The following SETX variants were observed in gnomAD, a reference collection of about 807,000 sequenced individuals.
SETX encodes the protein senataxin, also known as helicase senataxin.
In SETX, 90 loss-of-function variants were observed where a neutral mutation model predicts 227.2. The observed-to-expected ratio is 0.40, with a 90% CI of 0.33 to 0.47. SETX has a LOEUF of 0.47. SETX is among the 20% of genes least tolerant of loss of function. The probability of loss-of-function intolerance (pLI) is 0.91; values close to 1 mark genes in which losing one functional copy is unlikely to be tolerated. For synonymous variants in SETX, 1,210 were observed against 1,113.2 expected, an observed-to-expected ratio of 1.09 and a Z score of -1.73; for missense variants, 3,052 against 3,181.5, an observed-to-expected ratio of 0.96 and a Z score of 0.98.
chr9:132,285,513 G>T (rs980687814), intron 18 of SETX, among the ~76,000 whole-genome samples: 1 of 151,892 alleles, frequency 6.6e-6, no homozygotes, highest in African/African-American at 2.4e-5. Flanking sequence ...TTGGGAGGCC[G>T]AGACGGGGGA....
chr9:132,273,970 C>CT (rs61487697), intron 23 of SETX, among the ~76,000 whole-genome samples: 64,204 of 145,952 alleles, frequency 0.44, 16,633 homozygotes, highest in African/African-American at 0.73. Flanking sequence ...CCTTTGTATT[C>CT]TTTTTTTTTT....
At chr9:132,305,125 C>G (rs1056403341) in intron 11 of SETX, among the ~76,000 whole-genome samples, 1 of 151,876 alleles carries the variant, frequency 6.6e-6, no homozygotes, top group African/African-American at 2.4e-5. Context: ...GAGGCCGAGG[C>G]GGGCGGATCA....
At chr9:132,355,446 C>T (rs1162646211), upstream of SETX, among the ~76,000 whole-genome samples, 6 of 152,214 alleles carry the variant, frequency 3.9e-5, no homozygotes, top group Non-Finnish European at 8.8e-5. Context: ...ATGTAAATTA[C>T]ATAAACGTGT....
chr9:132,339,700 C>T (rs1441859033), intron 5 of SETX, among the ~76,000 whole-genome samples: 2 of 152,166 alleles, frequency 1.3e-5, no homozygotes, highest in South Asian at 2.1e-4. Context: ...GCAACCCCTG[C>T]ATCCCGGGTT....
At chr9:132,347,106 T>C (rs924831196) in intron 3 of SETX, among the ~76,000 whole-genome samples, 4 of 150,816 alleles carry the variant, frequency 2.7e-5, no homozygotes, top group African/African-American at 9.8e-5. Context: ...AATACAAAAA[T>C]AGCCAGGCGT....
intron 18 of SETX, among the ~76,000 whole-genome samples, chr9:132,283,941 C>T (rs995154614): frequency 2.0e-5 from 3 of 152,186 alleles, no homozygotes; most frequent in Admixed American, 6.5e-5. Flanking sequence ...CCCTCTCTAA[C>T]GCAGTGTGCT....
At chr9:132,342,650 A>G in intron 5 of SETX, 40 bp downstream of exon 5, 1 of 1,347,864 alleles carries the variant, frequency 7.4e-7, no homozygotes, top group Non-Finnish European at 1.1e-6. Context: ...TAGGTACAAA[A>G]GCACAATATA....
At chr9:132,284,127 G>A (rs1488404954) in intron 18 of SETX, among the ~76,000 whole-genome samples, 4 of 152,180 alleles carry the variant, frequency 2.6e-5, no homozygotes, top group African/African-American at 9.7e-5. Flanking sequence ...TGAGCTTTAG[G>A]AAGAGGGTGG....
intron 25 of SETX, among the ~76,000 whole-genome samples, chr9:132,268,226 A>T (rs1167923362): frequency 6.6e-6 from 1 of 152,224 alleles, no homozygotes; most frequent in Non-Finnish European, 1.5e-5. Context: ...GAGAGGTTGC[A>T]TGCACCCTTC....
chr9:132,353,964 G>T (rs990835967), intron 1 of SETX, among the ~76,000 whole-genome samples: 1 of 152,178 alleles, frequency 6.6e-6, no homozygotes, highest in African/African-American at 2.4e-5. Flanking sequence ...CACTCACGGG[G>T]ACAGCTAGGC....
At position 132,326,609 on chromosome 9, in the gene SETX, A is replaced by T. The variant is rs185338915; in HGVS notation, c.4989T>A (p.Ser1663=). Residue 1663 remains serine (S), a synonymous_variant, in exon 10 of 26, where the codon TCT becomes TCA. Transcript: ENST00000224140. ...AACCTTGCCTGTTGGAATTATTCGG[A>T]GACTGAGGATGAAGAACATTGCACG... ...KNSCNVLHPQ[S]PNNSNRQGCK... is the part of the protein sequence containing the mutation. 1.9e-5 allele frequency: 30 copies of T among 1,614,212 alleles called. No individual in the cohort carries two copies. The East Asian group carries it at 6.7e-4, about 36-fold the overall frequency.
intron 9 of SETX, 113 bp downstream of exon 9, chr9:132,330,939 T>C (rs1847184997): frequency 1.2e-6 from 1 of 827,996 alleles, no homozygotes; most frequent in Non-Finnish European, 2.1e-6. Context: ...TACATAGCAG[T>C]AGATTGAGAA....
intron 15 of SETX, among the ~76,000 whole-genome samples, chr9:132,288,866 T>C (rs1257137662): frequency 6.6e-6 from 1 of 152,228 alleles, no homozygotes; most frequent in Non-Finnish European, 1.5e-5. Flanking sequence ...CAAGTAGTTA[T>C]CATTTCTACC....
chr9:132,280,621 C>T (rs1487941107), intron 20 of SETX, among the ~76,000 whole-genome samples: 4 of 152,204 alleles, frequency 2.6e-5, no homozygotes, highest in African/African-American at 9.7e-5. Flanking sequence ...CGATAACCAC[C>T]TGCATTCATT....
chr9:132,323,787 C>T (rs764186031), intron 10 of SETX, among the ~76,000 whole-genome samples: 1 of 151,886 alleles, frequency 6.6e-6, no homozygotes, highest in Non-Finnish European at 1.5e-5. Context: ...CCTGTAGTCC[C>T]AGTTATTCAA....
chr9:132,312,924 T>C (rs575864265), intron 10 of SETX, among the ~76,000 whole-genome samples: 99 of 152,330 alleles, frequency 6.5e-4, no homozygotes, highest in Middle Eastern at 3.4e-3. Flanking sequence ...CCATGGCCTA[T>C]TAATACATGC....
intron 10 of SETX, among the ~76,000 whole-genome samples, chr9:132,325,549 C>T (rs1311999732): frequency 6.6e-6 from 1 of 152,174 alleles, no homozygotes; most frequent in Non-Finnish European, 1.5e-5. Context: ...TCTTCCTTTA[C>T]CCGTGCGTCA....
At chr9:132,355,722 C>G (rs1311157152), upstream of SETX, among the ~76,000 whole-genome samples, 4 of 152,256 alleles carry the variant, frequency 2.6e-5, no homozygotes, top group African/African-American at 9.6e-5. Context: ...CGCGGTGGCT[C>G]ACGCCTGTAA....
chr9:132,346,775 G>C (rs1319906499), intron 3 of SETX, among the ~76,000 whole-genome samples: 2 of 129,794 alleles, frequency 1.5e-5, no homozygotes, highest in African/African-American at 2.8e-5. Flanking sequence ...AGCAAAGCAA[G>C]ACCCTGTCAC....
Sources: allele counts gnomAD v4.1 joint callset (sites outside exome capture counted in the v4.1 genomes callset), GRCh38; gene constraint gnomAD v4.1.1; transcripts MANE v1.5; gene names NCBI Gene and HGNC (gene_info 2026-07-23, HGNC 2026-07-21).